MCTS1: variants seen among roughly 807,000 people sequenced by gnomAD.
MCTS1 encodes malignant T-cell-amplified sequence 1.
For missense variants in MCTS1, 55 were observed against 128.6 expected (o/e 0.43, Z 2.77); for synonymous variants, 26 against 40.8 (o/e 0.64, Z 1.38).
intron 1 of MCTS1, 162 bp downstream of exon 1, chrX:120,604,409 C>T (rs970017373): frequency 4.5e-6 from 3 of 662,847 alleles, no homozygotes; most frequent in African/African-American, 4.5e-5. Context: ...AACTTGAACA[C>T]TTCTTTAAGC....
chrX:120,604,541 C>G, intron 1 of MCTS1: 2 of 597,786 alleles, frequency 3.3e-6, no homozygotes, highest in Non-Finnish European at 4.8e-6. Flanking sequence ...TTCTACCAAT[C>G]ACATCCGTGC....
At chrX:120,607,654 G>C (rs1156835138) in intron 3 of MCTS1, among the ~76,000 whole-genome samples, 1 of 111,249 alleles carries the variant, frequency 9.0e-6, no homozygotes, top group Admixed American at 9.7e-5. Context: ...CAAGTCCTTA[G>C]TTTACATTAG....
At chrX:120,604,567 C>A in intron 1 of MCTS1, 1 of 672,092 alleles carries the variant, frequency 1.5e-6, no homozygotes, top group Non-Finnish European at 2.1e-6. Context: ...GATTTAGAGG[C>A]ATATTCTCTG....
chrX:120,611,001 G>T lies in MCTS1; in HGVS notation c.397-10G>T. On this transcript the variant is annotated splice_polypyrimidine_tract_variant and intron_variant, in intron 4 of 5. Transcript: ENST00000371317. The stretch of plus-strand genomic sequence containing the variant: ...TTTGATAAATAGTTTTCTTAGCTGT[G>T]TTCTTTCAGGCTATCATGGCAGAAG... 1 of 1,209,169 alleles carries T rather than the reference G, an allele frequency of 8.3e-7. No individual in the cohort carries two copies. Among genetic ancestry groups the T allele is most frequent in the Non-Finnish European group, 1.1e-6 (1 of 893,184 alleles).
chrX:120,614,220 G>C lies in MCTS1; in HGVS notation c.*1956G>C. On this transcript the variant is annotated 3_prime_UTR_variant, in exon 6 of 6. Transcript: ENST00000371317. The stretch of plus-strand genomic sequence containing the variant: ...ACTTGAGAGACTTGGAGATTCCCCA[G>C]TTAGAATATAAATGTATTAATTCAT... 8.9e-6 allele frequency among the ~76,000 whole-genome samples: 1 copy of C among 112,167 alleles called. No individual in the cohort carries two copies. The highest frequency in any genetic ancestry group is 1.9e-5 in the Non-Finnish European group (1 of 53,270).
At position 120,605,480 on chromosome X, in the gene MCTS1, T is replaced by A. The variant is rs1926508299; in HGVS notation, c.85T>A (p.Leu29Met). The A allele has an allele frequency of 2.5e-6, 3 of 1,199,841 alleles. No homozygotes were observed. In the South Asian group the frequency reaches 5.5e-5, roughly 22 times the overall value. The change falls in exon 2 of 6, where the codon TTG becomes ATG. Residue 29 changes from leucine (L) to methionine (M), a missense_variant. Physicochemically the swap from Leu to Met is conservative, Grantham distance 15. Coordinates refer to ENST00000371317, the MANE Select transcript of MCTS1 (RefSeq NM_014060.3). ...TSVIKGIKNQ[L>M]IEQFPGIEPW... ...AGTTATTAAGGGTATTAAGAATCAA[T>A]TGATAGAGCAATTTCCAGGTATTGA...
At position 120,619,035 on chromosome X, in the gene MCTS1, A is replaced by G. The variant is rs988125414; in HGVS notation, c.*6771A>G. Among the ~76,000 whole-genome samples, 1 of 111,809 alleles carries G rather than the reference A, an allele frequency of 8.9e-6. No homozygotes were observed. The highest frequency in any genetic ancestry group is 1.9e-5 in the Non-Finnish European group (1 of 53,157). On this transcript the variant is annotated 3_prime_UTR_variant, in exon 6 of 6. Coordinates refer to ENST00000371317, the MANE Select transcript of MCTS1 (RefSeq NM_014060.3). ...GATAGAAACTATACCAATTTGGGCA[A>G]TTTTGGCTCTAATGTCTAATTTGTT...
intron 3 of MCTS1, among the ~76,000 whole-genome samples, chrX:120,606,784 C>CAAAAAAAA (rs763945946): frequency 5.2e-5 from 2 of 38,510 alleles, no homozygotes; most frequent in African/African-American, 1.1e-4. Context: ...GACTTAGTCT[C>CAAAAAAAA]AAAAAAAAAA....
rs776260178 is a variant in MCTS1 at position 120,610,979 on chromosome X, GATAA to G, written c.397-28_397-25del. The G allele has an allele frequency of 1.5e-3, 1,776 of 1,200,587 alleles. 20 individuals carry two copies. The African/African-American group carries it at 0.027, about 18-fold the overall frequency. ...TGATGGGGAGGCCCCAAGGCATTTTGATAAATAGTTTTCTTAGCTGTGTTCTTTC... is the reference window on the plus strand; with the variant it reads ...TGATGGGGAGGCCCCAAGGCATTTTGATAGTTTTCTTAGCTGTGTTCTTTC... On this transcript the variant is annotated intron_variant, in intron 4 of 5. Transcript: ENST00000371317.
rs1425699416 is a variant in MCTS1, at chrX:120,616,568, C to T, written c.*4304C>T. 9.0e-6 allele frequency among the ~76,000 whole-genome samples: 1 copy of T among 111,572 alleles called. No homozygotes were observed. Among genetic ancestry groups the T allele is most frequent in the Non-Finnish European group, 1.9e-5 (1 of 53,127 alleles). ...TGTTGAGACTATTAGGTTCATCTGT[C>T]TGTTTAAGAGTCTGGCCTTAGGGAA... is the stretch of plus-strand genomic sequence containing the variant. On this transcript the variant is annotated 3_prime_UTR_variant, in exon 6 of 6. Coordinates refer to ENST00000371317, the MANE Select transcript of MCTS1 (RefSeq NM_014060.3).
intron 1 of MCTS1, 74 bp downstream of exon 1, chrX:120,604,321 T>A: frequency 8.7e-7 from 1 of 1,155,786 alleles, no homozygotes; most frequent in Non-Finnish European, 1.2e-6. Flanking sequence ...GGGCGAGAGC[T>A]AAGATCCTCT....
chrX:120,618,737 G>A lies in MCTS1; in HGVS notation c.*6473G>A, dbSNP rs2071477699. On this transcript the variant is annotated 3_prime_UTR_variant, in exon 6 of 6. Coordinates refer to ENST00000371317, the MANE Select transcript of MCTS1 (RefSeq NM_014060.3). ...AAAACAGTAGGGGCTAAAATGTTTG[G>A]ACATTTATCCTGCATTTATTTTGTG... Among the ~76,000 whole-genome samples, 1 of 112,220 alleles carries A rather than the reference G, an allele frequency of 8.9e-6. No individual in the cohort carries two copies.
At chrX:120,604,636 A>G in intron 1 of MCTS1, 1 of 1,004,171 alleles carries the variant, frequency 1.0e-6, no homozygotes, top group South Asian at 3.4e-5. Context: ...GAACTGAATA[A>G]AGGAAGGCTT....
intron 2 of MCTS1, 143 bp downstream of exon 2, chrX:120,605,702 C>T: frequency 1.6e-6 from 1 of 611,066 alleles, no homozygotes; most frequent in South Asian, 4.5e-5. Context: ...TCTAAAACTC[C>T]AATATTTGTA....
chrX:120,615,067 G>A lies in MCTS1; in HGVS notation c.*2803G>A, dbSNP rs1926809488. Among the ~76,000 whole-genome samples the A allele has an allele frequency of 9.0e-6, 1 of 111,726 alleles. No individual in the cohort carries two copies. Among genetic ancestry groups the A allele is most frequent in the Non-Finnish European group, 1.9e-5 (1 of 53,146 alleles). On this transcript the variant is annotated 3_prime_UTR_variant, in exon 6 of 6. Transcript: ENST00000371317. ...GGGTCTGAGGCCTCTGCTCATCACT[G>A]TTAATCAGGGATGTCACTCTACATG...
At chrX:120,604,482 C>T (rs1926478197) in intron 1 of MCTS1, 6 of 525,836 alleles carry the variant, frequency 1.1e-5, no homozygotes, top group Non-Finnish European at 1.5e-5. Context: ...TTCTCCTTAC[C>T]CCTCTTTCTC....
chrX:120,610,390 G>A (rs759762665), intron 4 of MCTS1, among the ~76,000 whole-genome samples: 13 of 108,370 alleles, frequency 1.2e-4, no homozygotes, highest in East Asian at 3.0e-4. Flanking sequence ...TGAGGCAGGC[G>A]GATCATGAGG....
At position 120,615,390 on chromosome X, in the gene MCTS1, GTATC is replaced by G. The variant is rs766788100; in HGVS notation, c.*3129_*3132del. 3.6e-5 allele frequency among the ~76,000 whole-genome samples: 4 copies of G among 111,472 alleles called. No individual in the cohort carries two copies. In the South Asian group the frequency reaches 1.1e-3, roughly 31 times the overall value. On this transcript the variant is annotated 3_prime_UTR_variant, in exon 6 of 6. Transcript: ENST00000371317. Reference sequence around the variant, plus strand: ...GTTCAGCTCAATAGGTATTTATTGAGTATCTACTAGGTTCTAAGTGACGTGGCAT... The same window carrying G: ...GTTCAGCTCAATAGGTATTTATTGAGTACTAGGTTCTAAGTGACGTGGCAT...
Position 120,612,730 on chromosome X carries a change from T to TA in MCTS1, c.*474dup, listed in dbSNP as rs757129996. On this transcript the variant is annotated 3_prime_UTR_variant, in exon 6 of 6. Transcript: ENST00000371317. ...GTGTGTGTTTTGTTGATTGTTTTTT[T>TA]AAAAAAAACTTCAATGGAAAATTCT... 1.0e-4 allele frequency among the ~76,000 whole-genome samples: 11 copies of TA among 107,321 alleles called. No homozygotes were observed. In the East Asian group the frequency reaches 1.8e-3, roughly 17 times the overall value. The allele number at this position is 107,321 out of a possible 115,157, so 93.2% of individuals were successfully genotyped here. A position where few individuals can be genotyped will look rare whatever the true frequency, so the allele number is the denominator to read the frequency against.
Sources: allele counts gnomAD v4.1 joint callset (sites outside exome capture counted in the v4.1 genomes callset), GRCh38; gene constraint gnomAD v4.1.1; transcripts MANE v1.5; gene names NCBI Gene and HGNC (gene_info 2026-07-23, HGNC 2026-07-21).